Variants in PXK observed in about 807,000 individuals in gnomAD.
The protein encoded by PXK is PX domain containing serine/threonine kinase like, also known as PX domain-containing protein kinase-like protein.
Under a neutral mutation model 84.7 loss-of-function variants are expected in PXK, and 35 were observed. The observed-to-expected ratio is 0.41, with a 90% CI of 0.32 to 0.55. The LOEUF (loss-of-function observed/expected upper bound fraction) is 0.55. Among genes scored for constraint, PXK ranks in the 20% least tolerant of loss-of-function variants. The probability of loss-of-function intolerance (pLI) is 0.21; values close to 1 mark genes in which losing one functional copy is unlikely to be tolerated. For missense variants in PXK, 634 were observed against 699.7 expected, an observed-to-expected ratio of 0.91 and a Z score of 1.06; for synonymous variants, 253 against 260.8, an observed-to-expected ratio of 0.97 and a Z score of 0.29.
chr3:58,333,571 T>A lies in PXK; in HGVS notation c.102+481T>A. ...CCAAATGAAGTGTGACTCCAGAGCC[T>A]ACTTGTTGGGACAGCAGAGTGTAAG... On this transcript the variant is annotated intron_variant, in intron 1 of 17. Coordinates refer to ENST00000356151, the MANE Select transcript of PXK (RefSeq NM_017771.5). This position sits in a 1 kb window ranked among gnomAD's most constrained non-coding sequence, Gnocchi z 5.4. The A allele has an allele frequency of 2.2e-6, 1 of 456,752 alleles. No individual in the cohort carries two copies. The highest frequency in any genetic ancestry group is 4.4e-6 in the Non-Finnish European group (1 of 226,966). 28.3% of individuals were successfully genotyped at this position (456,752 alleles called of 1,614,324 possible).
intron 17 of PXK, chr3:58,420,832 C>T (rs933196803): frequency 1.2e-4 from 156 of 1,299,120 alleles, no homozygotes; most frequent in Non-Finnish European, 1.5e-4. Context: ...GCTCTAAAAC[C>T]TGCAAATCAA....
intron 9 of PXK, 58 bp downstream of exon 9, chr3:58,395,817 C>G: frequency 7.1e-7 from 1 of 1,408,138 alleles, no homozygotes. Flanking sequence ...GCATTATTCA[C>G]CTGGAAAAGT....
At chr3:58,423,519 T>C (rs968558016) in intron 17 of PXK, 1 of 1,535,912 alleles carries the variant, frequency 6.5e-7, no homozygotes, top group African/African-American at 1.4e-5. Flanking sequence ...ATTGTAAGAC[T>C]TTAACCCATA....
At position 58,420,456 on chromosome 3, in the gene PXK, T is replaced by C. The variant is rs1226520339; in HGVS notation, c.1529-4296T>C. The stretch of plus-strand genomic sequence containing the variant: ...ATTCAGACTAATATTTTACTGTCTG[T>C]TACTATTTGATTAAATGACACTAAA... On this transcript the variant is annotated intron_variant, in intron 17 of 17. Transcript: ENST00000356151. 3.4e-6 allele frequency: 5 copies of C among 1,478,812 alleles called. No individual in the cohort carries two copies. The Admixed American group carries it at 9.8e-5, about 29-fold the overall frequency. 91.6% of individuals were successfully genotyped at this position (1,478,812 alleles called of 1,614,324 possible).
chr3:58,386,381 A>G (rs1295157096), intron 4 of PXK, among the ~76,000 whole-genome samples: 2 of 134,624 alleles, frequency 1.5e-5, no homozygotes, highest in Admixed American at 1.8e-4. Flanking sequence ...CTGCAACCTC[A>G]GCCCCCCAGT....
intron 5 of PXK, 32 bp from the exon 6 acceptor site, chr3:58,391,115 C>G (rs2098627040): frequency 6.6e-7 from 1 of 1,526,384 alleles, no homozygotes. Context: ...AAAAATTGTG[C>G]AGCTCTAAGC....
At chr3:58,373,892 A>C (rs1396641688) in intron 3 of PXK, among the ~76,000 whole-genome samples, 2 of 151,786 alleles carry the variant, frequency 1.3e-5, no homozygotes, top group African/African-American at 4.8e-5. Flanking sequence ...AAAAATACAA[A>C]AAATTAGCAG....
chr3:58,404,387 C>A (rs894842186), intron 13 of PXK, among the ~76,000 whole-genome samples: 9 of 152,154 alleles, frequency 5.9e-5, no homozygotes, highest in African/African-American at 2.2e-4. Context: ...GTTGTGAGGG[C>A]TGCCTGTGCA....
At chr3:58,356,670 C>T (rs1215113524) in intron 1 of PXK, among the ~76,000 whole-genome samples, 2 of 151,266 alleles carry the variant, frequency 1.3e-5, no homozygotes, top group African/African-American at 4.9e-5. Flanking sequence ...GTGGTGCAAT[C>T]TCGGCTCACC....
At position 58,336,071 on chromosome 3, in the gene PXK, ATTTTT is replaced by A. The variant is rs1171021563; in HGVS notation, c.102+2995_102+2999del. Among the ~76,000 whole-genome samples the A allele has an allele frequency of 2.0e-3, 103 of 51,558 alleles. 5 individuals are homozygous for A. Among genetic ancestry groups the A allele is most frequent in the African/African-American group, 7.5e-3 (74 of 9,860 alleles). 33.8% of individuals were successfully genotyped at this position (51,558 alleles called of 152,430 possible). ...TATATATATATATATATATATATAT[ATTTTT>A]TTTTTTTTTTTTTAATACCAATGGG... On this transcript the variant is annotated intron_variant, in intron 1 of 17. Transcript: ENST00000356151.
intron 1 of PXK, among the ~76,000 whole-genome samples, chr3:58,358,111 T>C (rs73835194): frequency 0.14 from 20,882 of 152,250 alleles, 2,288 homozygotes; most frequent in African/African-American, 0.3. Flanking sequence ...ATCAAGCCAA[T>C]GAACATATTA....
At chr3:58,357,196 T>C (rs1297056051) in intron 1 of PXK, among the ~76,000 whole-genome samples, 4 of 151,570 alleles carry the variant, frequency 2.6e-5, no homozygotes, top group Non-Finnish European at 5.9e-5. Flanking sequence ...GGAGAATCAT[T>C]TGAACCTGGG....
At chr3:58,358,648 A>G (rs915892535) in intron 1 of PXK, among the ~76,000 whole-genome samples, 1 of 152,124 alleles carries the variant, frequency 6.6e-6, no homozygotes, top group Non-Finnish European at 1.5e-5. Context: ...TCTCCTGTGC[A>G]TTACAGGACA....
Position 58,409,017 on chromosome 3 carries a change from T to A in PXK, c.1308+16T>A, listed in dbSNP as rs767450989. On this transcript the variant is annotated intron_variant, in intron 14 of 17. Coordinates refer to ENST00000356151, the MANE Select transcript of PXK (RefSeq NM_017771.5). This position sits in a 1 kb window ranked among gnomAD's most constrained non-coding sequence, Gnocchi z 4.2. The stretch of plus-strand genomic sequence containing the variant: ...ACAGAAACAGGTAAATTGATAACGG[T>A]TCCTCTTTGCCTTTTAGTGTCCCCA... 12 of 1,550,762 alleles carry A rather than the reference T, an allele frequency of 7.7e-6. 1 individual carries two copies. The South Asian group carries it at 1.1e-4, about 14-fold the overall frequency.
Position 58,421,744 on chromosome 3 carries a change from TTGG to T in PXK, c.1529-3004_1529-3002del. On this transcript the variant is annotated intron_variant, in intron 17 of 17. Transcript: ENST00000356151. The surrounding 1 kb of genome is among the most constrained non-coding windows in gnomAD (Gnocchi z 5.5). The stretch of plus-strand genomic sequence containing the variant: ...CTGGACTGCCAGGTTCCCGTGTGGT[TTGG>T]TGGAGAAGATTTTGGGGTGGGTAGA... 3 of 985,328 alleles carry T rather than the reference TTGG, an allele frequency of 3.0e-6. No homozygotes were observed. The highest frequency in any genetic ancestry group is 3.6e-6 in the Non-Finnish European group (3 of 829,904). The allele number at this position is 985,328 out of a possible 1,614,324, so 61.0% of individuals were successfully genotyped here. A position where few individuals can be genotyped will look rare whatever the true frequency, so the allele number is the denominator to read the frequency against.
chr3:58,382,721 A>C, intron 4 of PXK, 21 bp downstream of exon 4: 1 of 1,493,758 alleles, frequency 6.7e-7, no homozygotes, highest in East Asian at 2.5e-5. Flanking sequence ...GAATCTGTGA[A>C]TTATGGTCAC....
At chr3:58,402,047 A>G (rs776089447) in intron 12 of PXK, among the ~76,000 whole-genome samples, 1 of 151,246 alleles carries the variant, frequency 6.6e-6, no homozygotes, top group Non-Finnish European at 1.5e-5. Context: ...ACATAACAAG[A>G]CTCCATCTCT....
intron 7 of PXK, among the ~76,000 whole-genome samples, chr3:58,393,679 A>G (rs2098653760): frequency 6.6e-6 from 1 of 152,208 alleles, no homozygotes; most frequent in Non-Finnish European, 1.5e-5. Context: ...AATTTTTGCT[A>G]AACATTATAC....
At chr3:58,361,056 G>T (rs1480166303) in intron 1 of PXK, among the ~76,000 whole-genome samples, 1 of 151,734 alleles carries the variant, frequency 6.6e-6, no homozygotes, top group Non-Finnish European at 1.5e-5. Flanking sequence ...TGGCACTTTG[G>T]GAGGCTGAGG....
Sources: allele counts gnomAD v4.1 joint callset (sites outside exome capture counted in the v4.1 genomes callset), GRCh38; gene constraint gnomAD v4.1.1; non-coding constraint Gnocchi (gnomAD v3.1); transcripts MANE v1.5; gene names NCBI Gene and HGNC (gene_info 2026-07-23, HGNC 2026-07-21).